NEGR1: variants seen among roughly 807,000 people sequenced by gnomAD.
NEGR1 encodes neuronal growth regulator 1.
A neutral mutation model predicts 40.9 loss-of-function variants in NEGR1; 10 were observed. That is an observed-to-expected ratio of 0.24 (90% CI 0.15 to 0.42). The LOEUF (loss-of-function observed/expected upper bound fraction) is 0.42. Ranked by LOEUF, NEGR1 falls within the 10% of genes least tolerant of loss-of-function variation. The pLI is 1.00. For synonymous variants in NEGR1, 185 were observed against 166.8 expected (o/e 1.11, Z -0.84); for missense variants, 352 against 438.9 (o/e 0.80, Z 1.77).
intron 1 of NEGR1, among the ~76,000 whole-genome samples, chr1:72,199,266 G>A (rs1236239710): frequency 6.6e-6 from 1 of 151,758 alleles, no homozygotes; most frequent in Non-Finnish European, 1.5e-5. Context: ...GCTACTCTGG[G>A]GGGGGTGCCA....
intron 1 of NEGR1, among the ~76,000 whole-genome samples, chr1:71,935,674 T>C (rs1365491108): frequency 6.6e-6 from 1 of 152,146 alleles, no homozygotes; most frequent in Non-Finnish European, 1.5e-5. Context: ...ATTTCATTGT[T>C]TGAAATTATG....
At chr1:72,188,816 A>G (rs1256662803) in intron 1 of NEGR1, among the ~76,000 whole-genome samples, 1 of 151,568 alleles carries the variant, frequency 6.6e-6, no homozygotes, top group Non-Finnish European at 1.5e-5. Context: ...TCTTATTTAA[A>G]CAATAGTAAG....
chr1:71,684,970 A>G (rs993195894), intron 4 of NEGR1, among the ~76,000 whole-genome samples: 2 of 152,144 alleles, frequency 1.3e-5, no homozygotes, highest in Non-Finnish European at 2.9e-5. Context: ...TAATTCTTTA[A>G]GGTATTTTTT....
At chr1:71,801,346 C>G (rs114863065) in intron 2 of NEGR1, among the ~76,000 whole-genome samples, 2 of 152,124 alleles carry the variant, frequency 1.3e-5, no homozygotes, top group African/African-American at 2.4e-5. Flanking sequence ...GTTTGAAATA[C>G]CAACTAAAAA....
chr1:71,689,891 T>C (rs1304111195), intron 4 of NEGR1, among the ~76,000 whole-genome samples: 1 of 151,802 alleles, frequency 6.6e-6, no homozygotes, highest in Non-Finnish European at 1.5e-5. Flanking sequence ...TAAATATCAT[T>C]AACAGATATT....
intron 2 of NEGR1, among the ~76,000 whole-genome samples, chr1:71,912,873 T>C (rs1661458652): frequency 6.6e-6 from 1 of 152,148 alleles, no homozygotes; most frequent in African/African-American, 2.4e-5. Context: ...AAATTTCCTA[T>C]TTGAACATTT....
chr1:71,695,897 T>TA (rs1172366148), intron 4 of NEGR1, among the ~76,000 whole-genome samples: 1 of 151,738 alleles, frequency 6.6e-6, no homozygotes, highest in Non-Finnish European at 1.5e-5. Context: ...ATATTTTTTT[T>TA]AAAAAGAGTT....
chr1:71,702,835 C>T (rs562653262), intron 3 of NEGR1, among the ~76,000 whole-genome samples: 2 of 151,718 alleles, frequency 1.3e-5, no homozygotes, highest in African/African-American at 4.8e-5. Flanking sequence ...ATATTCATGG[C>T]TTTCTATCTC....
At chr1:71,927,856 G>C (rs1016747874) in intron 2 of NEGR1, among the ~76,000 whole-genome samples, 21 of 111,652 alleles carry the variant, frequency 1.9e-4, no homozygotes, top group African/African-American at 7.0e-4. Context: ...AAAAAAGCCA[G>C]GCAGAGTGGT....
chr1:71,418,653 T>C (rs1218390483), intron 6 of NEGR1, among the ~76,000 whole-genome samples: 1 of 152,114 alleles, frequency 6.6e-6, no homozygotes, highest in African/African-American at 2.4e-5. Context: ...TAAGAAGAAA[T>C]GTAATAACTT....
intron 1 of NEGR1, among the ~76,000 whole-genome samples, chr1:72,203,502 A>G (rs749368706): frequency 6.6e-6 from 1 of 152,138 alleles, no homozygotes; most frequent in South Asian, 2.1e-4. Context: ...GAGCAAAGAT[A>G]GTGGTTTCTT....
chr1:72,160,804 G>A (rs1027322758), intron 1 of NEGR1, among the ~76,000 whole-genome samples: 1 of 152,148 alleles, frequency 6.6e-6, no homozygotes, highest in Admixed American at 6.6e-5. Context: ...CCTGAAGGTA[G>A]AAAAATGCCT....
intron 6 of NEGR1, among the ~76,000 whole-genome samples, chr1:71,448,354 T>A (rs576230371): frequency 2.0e-5 from 3 of 152,216 alleles, no homozygotes; most frequent in Non-Finnish European, 4.4e-5. Context: ...ATCCCAGCAC[T>A]TTGGGAGACT....
intron 2 of NEGR1, among the ~76,000 whole-genome samples, chr1:71,925,315 A>T (rs1409080395): frequency 6.6e-6 from 1 of 152,226 alleles, no homozygotes; most frequent in Non-Finnish European, 1.5e-5. Flanking sequence ...AAACCTGCAA[A>T]TGCGGGCTAG....
intron 6 of NEGR1, among the ~76,000 whole-genome samples, chr1:71,501,729 A>G (rs907368518): frequency 2.6e-4 from 40 of 152,240 alleles, no homozygotes; most frequent in Non-Finnish European, 4.1e-4. Flanking sequence ...TCATAAAATT[A>G]TAAACAAGAA....
At chr1:71,793,804 T>C (rs1570354899) in intron 2 of NEGR1, among the ~76,000 whole-genome samples, 1 of 152,100 alleles carries the variant, frequency 6.6e-6, no homozygotes, top group South Asian at 2.1e-4. Context: ...TATGTATATA[T>C]ATATAATCAT....
intron 3 of NEGR1, among the ~76,000 whole-genome samples, chr1:71,768,297 G>A (rs1656199628): frequency 6.6e-6 from 1 of 152,182 alleles, no homozygotes; most frequent in Non-Finnish European, 1.5e-5. Context: ...ATGGGACAGA[G>A]CTGCCCAAGG....
intron 6 of NEGR1, among the ~76,000 whole-genome samples, chr1:71,515,743 G>A (rs1448032465): frequency 6.5e-5 from 9 of 138,774 alleles, no homozygotes; most frequent in Admixed American, 4.2e-4. Context: ...TTAAATGTAA[G>A]TGGACTAAAT....
intron 1 of NEGR1, among the ~76,000 whole-genome samples, chr1:72,150,633 G>C (rs1384311767): frequency 1.3e-5 from 2 of 152,066 alleles, no homozygotes; most frequent in Non-Finnish European, 2.9e-5. Flanking sequence ...AATGGATCTA[G>C]AGTATAACTG....
Sources: gnomAD v4.1 joint callset for allele counts (sites outside exome capture counted in the v4.1 genomes callset) on GRCh38, gnomAD v4.1.1 for gene constraint, MANE v1.5 for transcripts, NCBI Gene and HGNC (gene_info 2026-07-23, HGNC 2026-07-21) for gene names.